The following BRWD1 variants were observed in gnomAD, a reference collection of about 807,000 sequenced individuals.
BRWD1 encodes bromodomain and WD repeat domain containing 1, also known as bromodomain and WD repeat-containing protein 1.
In BRWD1, 82 loss-of-function variants were observed where a neutral mutation model predicts 251.2. The ratio of observed to expected loss-of-function variants is 0.33; its 90% CI spans 0.27 to 0.39. The LOEUF (loss-of-function observed/expected upper bound fraction) is 0.39. Among genes scored for constraint, BRWD1 ranks in the 10% least tolerant of loss-of-function variants. BRWD1 has a pLI of 1.00. For synonymous variants in BRWD1, 918 were observed against 902.8 expected, an observed-to-expected ratio of 1.02 and a Z score of -0.30; for missense variants, 2,233 against 2,711.6, an observed-to-expected ratio of 0.82 and a Z score of 3.92.
At chr21:39,199,897 C>T (rs905178823) in intron 39 of BRWD1, among the ~76,000 whole-genome samples, 25 of 152,224 alleles carry the variant, frequency 1.6e-4, no homozygotes, top group African/African-American at 6.0e-4. Context: ...ATTACAAGCA[C>T]CAGTCACCAT....
intron 4 of BRWD1, among the ~76,000 whole-genome samples, chr21:39,300,228 C>T (rs1297167711): frequency 6.6e-6 from 1 of 152,100 alleles, no homozygotes; most frequent in Non-Finnish European, 1.5e-5. Flanking sequence ...ACACTAAAGC[C>T]AGGGCAGCCC....
In BRWD1 at chr21:39,229,543, C is replaced by T. The variant is rs537525181; in HGVS notation, c.3001-107G>A. ...AAACTCATAATTTAGGCTTCCAAAC[C>T]CGCAGACAAGTTTAATTAATACCAT... On this transcript the variant is annotated intron_variant, in intron 25 of 40. Coordinates refer to ENST00000342449, the MANE Select transcript of BRWD1 (RefSeq NM_033656.4). 4.3e-3 allele frequency: 4,683 copies of T among 1,089,068 alleles called. 12 individuals are homozygous for T. Among genetic ancestry groups the T allele is most frequent in the Non-Finnish European group, 5.4e-3 (4,100 of 759,212 alleles). The allele number at this position is 1,089,068 out of a possible 1,614,324, so 67.5% of individuals were successfully genotyped here.
At position 39,238,591 on chromosome 21, in the gene BRWD1, G is replaced by T. The variant is rs1034958041; in HGVS notation, c.2482-18C>A. 3 of 1,569,776 alleles carry T rather than the reference G, an allele frequency of 1.9e-6. No homozygotes were observed. Among genetic ancestry groups the T allele is most frequent in the African/African-American group, 1.4e-5 (1 of 73,664 alleles). On this transcript the variant is annotated intron_variant, in intron 21 of 40. Transcript: ENST00000342449. ...GAAGTCTCCTAATTTGTGAAGGGGG[G>T]AAAAAAATCTTGATCCCTGAAGTTA...
chr21:39,307,477 T>C (rs2036325909), intron 4 of BRWD1, among the ~76,000 whole-genome samples: 1 of 152,164 alleles, frequency 6.6e-6, no homozygotes, highest in Non-Finnish European at 1.5e-5. Flanking sequence ...ATGTATATAT[T>C]GCACATATTA....
At chr21:39,267,126 C>T (rs1377825369) in intron 15 of BRWD1, among the ~76,000 whole-genome samples, 1 of 152,124 alleles carries the variant, frequency 6.6e-6, no homozygotes, top group Non-Finnish European at 1.5e-5. Flanking sequence ...TACACAGAAA[C>T]GCAGCTTTCA....
chr21:39,193,583 T>G lies in BRWD1; in HGVS notation c.*2676A>C. The G allele has an allele frequency of 1.0e-6, 1 of 985,554 alleles. No individual in the cohort carries two copies. The highest frequency in any genetic ancestry group is 1.2e-6 in the Non-Finnish European group (1 of 829,720). 61.1% of individuals were successfully genotyped at this position (985,554 alleles called of 1,614,324 possible). A position where few individuals can be genotyped will look rare whatever the true frequency, so the allele number is the denominator to read the frequency against. ...CATAAATGAATAAAACCATAGGACT[T>G]TGGACATACACAACCAAAGTAGTTT... On this transcript the variant is annotated 3_prime_UTR_variant, in exon 41 of 41. Transcript: ENST00000342449.
At chr21:39,235,184 G>A (rs2033766093) in intron 23 of BRWD1, among the ~76,000 whole-genome samples, 1 of 152,204 alleles carries the variant, frequency 6.6e-6, no homozygotes, top group East Asian at 1.9e-4. Context: ...AGGAGGCAGA[G>A]GCTGCAGTGA....
chr21:39,224,759 A>G (rs986573036), intron 28 of BRWD1, among the ~76,000 whole-genome samples: 1 of 152,190 alleles, frequency 6.6e-6, no homozygotes, highest in Non-Finnish European at 1.5e-5. Context: ...TCCCATTGCC[A>G]ATGAAGAGGC....
At chr21:39,277,712 C>T (rs2035321949) in intron 10 of BRWD1, among the ~76,000 whole-genome samples, 2 of 152,164 alleles carry the variant, frequency 1.3e-5, no homozygotes, top group South Asian at 4.2e-4. Flanking sequence ...TACAGGAGCA[C>T]ACCAGCATGC....
intron 34 of BRWD1, among the ~76,000 whole-genome samples, chr21:39,212,231 A>G (rs2032692088): frequency 1.3e-5 from 2 of 152,116 alleles, no homozygotes; most frequent in African/African-American, 4.8e-5. Context: ...TTCAAATTGT[A>G]TTATCTATTT....
chr21:39,300,436 A>C (rs112989095), intron 4 of BRWD1, among the ~76,000 whole-genome samples: 16 of 152,232 alleles, frequency 1.1e-4, no homozygotes, highest in African/African-American at 3.9e-4. Flanking sequence ...TCCAGTGTAA[A>C]AAATAAGACA....
At chr21:39,275,530 T>C (rs1408954238) in intron 12 of BRWD1, among the ~76,000 whole-genome samples, 3 of 152,186 alleles carry the variant, frequency 2.0e-5, no homozygotes, top group Non-Finnish European at 4.4e-5. Context: ...TACTAATAAA[T>C]ACCTGCAATA....
downstream of BRWD1, chr21:39,185,316 A>AAC (rs1917332186): frequency 6.7e-6 from 1 of 149,868 alleles, no homozygotes; most frequent in African/African-American, 2.4e-5. Flanking sequence ...AAAAAAAAAA[A>AAC]AAAAAACTTT....
chr21:39,247,798 T>C lies in BRWD1; in HGVS notation c.2384A>G (p.Gln795Arg), dbSNP rs1261395369. The part of the protein sequence containing the change: ...DSVVLVSQSR[Q>R]RTCRRKYPNY... ...TGGATATTTACGCCTACATGTCCTT[T>C]GTCTAGACTGTGATACCAAAACCAC... Residue 795 changes from glutamine (Q) to arginine (R), a missense_variant, in exon 21 of 41, where the codon CAA (glutamine) becomes CGA (arginine). Gln to Arg is a conservative substitution (Grantham distance 43). This residue lies in a region of BRWD1 where 214 missense variants were observed against 222.0 expected (regional missense o/e 0.96). Coordinates refer to ENST00000342449, the MANE Select transcript of BRWD1 (RefSeq NM_033656.4). 1 of 1,610,626 alleles carries C rather than the reference T, an allele frequency of 6.2e-7. No homozygotes were observed. The highest frequency in any genetic ancestry group is 1.3e-5 in the African/African-American group (1 of 74,920).
At chr21:39,269,068 G>C (rs1007479606) in intron 15 of BRWD1, among the ~76,000 whole-genome samples, 1 of 152,030 alleles carries the variant, frequency 6.6e-6, no homozygotes, top group Admixed American at 6.6e-5. Flanking sequence ...GCCTGAACTG[G>C]ATTCTGGTCT....
downstream of BRWD1, chr21:39,184,641 C>A (rs1467019729): frequency 6.6e-6 from 1 of 152,132 alleles, no homozygotes. Context: ...GAAAGATAAT[C>A]AACAAAATCA....
At chr21:39,246,975 G>A (rs909658531) in intron 21 of BRWD1, among the ~76,000 whole-genome samples, 1 of 152,108 alleles carries the variant, frequency 6.6e-6, no homozygotes, top group African/African-American at 2.4e-5. Flanking sequence ...CTACTCGGGA[G>A]GCTGAGGCAG....
At chr21:39,204,841 G>A (rs554661895) in intron 37 of BRWD1, among the ~76,000 whole-genome samples, 3 of 152,184 alleles carry the variant, frequency 2.0e-5, no homozygotes, top group South Asian at 2.1e-4. Flanking sequence ...TATGAAAATC[G>A]AATGCCCCCA....
In BRWD1 at chr21:39,218,676, A is replaced by G. The variant is rs2033050189; in HGVS notation, c.3383-16T>C. On this transcript the variant is annotated splice_polypyrimidine_tract_variant and intron_variant, in intron 29 of 40. Coordinates refer to ENST00000342449, the MANE Select transcript of BRWD1 (RefSeq NM_033656.4). ...GGTGGATCAACTATGAATACCATAA[A>G]AAACAATGAGAGGAAGAAAAAAACA... 6.4e-7 allele frequency: 1 copy of G among 1,559,826 alleles called. No homozygotes were observed. Among genetic ancestry groups the G allele is most frequent in the African/African-American group, 1.4e-5 (1 of 72,432 alleles).
Sources: gnomAD v4.1 joint callset for allele counts (sites outside exome capture counted in the v4.1 genomes callset) on GRCh38, gnomAD v4.1.1 for gene constraint, gnomAD v4.1.1 regional missense constraint, MANE v1.5 for transcripts, NCBI Gene and HGNC (gene_info 2026-07-23, HGNC 2026-07-21) for gene names.